ARK2C: variants seen among roughly 807,000 people sequenced by gnomAD.
The protein encoded by ARK2C is arkadia (RNF111) C-terminal like ring finger ubiquitin ligase 2C.
At chr18:46,334,317 G>A in the ARK2C span, 1 of 1,586,090 alleles carries the variant, frequency 6.3e-7, no homozygotes, top group Non-Finnish European at 8.5e-7. This position sits in a 1 kb window ranked among gnomAD's most constrained non-coding sequence, Gnocchi z 4.4. Flanking sequence ...TCCAGTGTTT[G>A]GCTCTGTGCG....
chr18:46,425,474 C>CT, the ARK2C span, among the ~76,000 whole-genome samples: 111 of 152,356 alleles, frequency 7.3e-4, no homozygotes, highest in African/African-American at 2.3e-3. Flanking sequence ...TTTCAGCCCC[C>CT]TTTTCCTTGG....
the ARK2C span, among the ~76,000 whole-genome samples, chr18:46,420,160 C>A: frequency 6.6e-6 from 1 of 152,182 alleles, no homozygotes; most frequent in African/African-American, 2.4e-5. Flanking sequence ...GAAATCCCAC[C>A]ATTAGAACTT....
the ARK2C span, among the ~76,000 whole-genome samples, chr18:46,426,691 G>A: frequency 1.3e-5 from 2 of 152,152 alleles, no homozygotes; most frequent in African/African-American, 4.8e-5. Context: ...TCTTACCATT[G>A]ATGTGTTTAT....
the ARK2C span, among the ~76,000 whole-genome samples, chr18:46,353,803 G>A: frequency 6.6e-6 from 1 of 152,184 alleles, no homozygotes; most frequent in Non-Finnish European, 1.5e-5. Flanking sequence ...GATACAGACA[G>A]CCCATGTCAA....
At chr18:46,452,232 T>G in the ARK2C span, among the ~76,000 whole-genome samples, 18 of 152,218 alleles carry the variant, frequency 1.2e-4, no homozygotes, top group Non-Finnish European at 2.6e-4. Context: ...ATAGAAACTC[T>G]GTGTTGGGAG....
chr18:46,444,820 C>T, the ARK2C span, among the ~76,000 whole-genome samples: 1 of 151,984 alleles, frequency 6.6e-6, no homozygotes, highest in Non-Finnish European at 1.5e-5. Flanking sequence ...CTAATCTTTT[C>T]TTTTGTAGTA....
chr18:46,398,489 C>T, the ARK2C span, among the ~76,000 whole-genome samples: 8 of 152,020 alleles, frequency 5.3e-5, no homozygotes, highest in Non-Finnish European at 1.2e-4. Flanking sequence ...GAAGCTGACA[C>T]AGGTGAGACA....
At chr18:46,370,652 T>C in the ARK2C span, among the ~76,000 whole-genome samples, 4 of 152,204 alleles carry the variant, frequency 2.6e-5, no homozygotes, top group Admixed American at 1.3e-4. Flanking sequence ...CTCCCCAGAA[T>C]GCCCCATGCC....
the ARK2C span, among the ~76,000 whole-genome samples, chr18:46,381,319 C>T: frequency 4.6e-5 from 7 of 152,188 alleles, no homozygotes; most frequent in South Asian, 8.3e-4. Flanking sequence ...CAGGTTTAGC[C>T]GCAAGAAACA....
the ARK2C span, chr18:46,456,703 G>A: frequency 9.0e-7 from 1 of 1,109,312 alleles, no homozygotes; most frequent in Non-Finnish European, 1.4e-6. Flanking sequence ...AGCCCTTGCA[G>A]CCAAACTTTG....
At chr18:46,359,693 C>A in the ARK2C span, among the ~76,000 whole-genome samples, 2 of 152,200 alleles carry the variant, frequency 1.3e-5, no homozygotes, top group Non-Finnish European at 2.9e-5. Context: ...CAATCCAGGG[C>A]TGGTGTGGTG....
the ARK2C span, among the ~76,000 whole-genome samples, chr18:46,404,756 A>G: frequency 6.6e-6 from 1 of 151,422 alleles, no homozygotes; most frequent in Non-Finnish European, 1.5e-5. Context: ...CCATCTCAAA[A>G]CACACACACA....
At chr18:46,435,545 AC>A in the ARK2C span, 1 of 654,110 alleles carries the variant, frequency 1.5e-6, no homozygotes, top group East Asian at 2.7e-5. Flanking sequence ...GCTCCCAGCC[AC>A]CCTCTGGGCC....
At chr18:46,420,572 C>A in the ARK2C span, among the ~76,000 whole-genome samples, 1 of 151,900 alleles carries the variant, frequency 6.6e-6, no homozygotes, top group Non-Finnish European at 1.5e-5. Context: ...GGGCCAGATG[C>A]GGTGGCTCAC....
the ARK2C span, among the ~76,000 whole-genome samples, chr18:46,358,731 G>A: frequency 1.3e-5 from 2 of 151,898 alleles, no homozygotes; most frequent in Non-Finnish European, 2.9e-5. Flanking sequence ...TCTCCTTCTT[G>A]TCCCTACACT....
chr18:46,433,214 ATCC>A, the ARK2C span: 2 of 1,597,644 alleles, frequency 1.3e-6, no homozygotes, highest in Non-Finnish European at 1.7e-6. Flanking sequence ...AGGTCTCAGC[ATCC>A]TCACGCTACC....
At chr18:46,436,776 T>G in the ARK2C span, among the ~76,000 whole-genome samples, 1 of 152,244 alleles carries the variant, frequency 6.6e-6, no homozygotes, top group Non-Finnish European at 1.5e-5. Context: ...CTGCCCAGCC[T>G]TTTCCAATTA....
the ARK2C span, among the ~76,000 whole-genome samples, chr18:46,391,477 T>C: frequency 2.0e-5 from 3 of 152,220 alleles, no homozygotes; most frequent in African/African-American, 7.2e-5. Flanking sequence ...CCACCCTCAG[T>C]GTCCTCATCC....
At chr18:46,415,390 G>A in the ARK2C span, among the ~76,000 whole-genome samples, 1 of 152,052 alleles carries the variant, frequency 6.6e-6, no homozygotes, top group Non-Finnish European at 1.5e-5. Context: ...TTTATAGGCA[G>A]TGGTGGGCGC....
Sources: allele counts gnomAD v4.1 joint callset (sites outside exome capture counted in the v4.1 genomes callset), GRCh38; gene constraint gnomAD v4.1.1; non-coding constraint Gnocchi (gnomAD v3.1); transcripts MANE v1.5; gene names NCBI Gene and HGNC (gene_info 2026-07-23, HGNC 2026-07-21).